TBC1D4: variants seen among roughly 807,000 people sequenced by gnomAD.
TBC1D4 encodes TBC1 domain family member 4.
TBC1D4 carries 121 observed loss-of-function variants against 142.5 expected under a neutral mutation model. The observed-to-expected ratio is 0.85, with a 90% CI of 0.73 to 0.99. The LOEUF (loss-of-function observed/expected upper bound fraction) is 0.99, where lower values mean the gene tolerates loss of function less well. TBC1D4 is among the 50% of genes least tolerant of loss of function. TBC1D4 has a pLI of 0.00. For synonymous variants in TBC1D4, 630 were observed against 628.2 expected (o/e 1.00, Z -0.04); for missense variants, 1,475 against 1,606.6 (o/e 0.92, Z 1.40).
chr13:75,341,640 A>G lies in TBC1D4; in HGVS notation c.1409-53T>C, dbSNP rs974331889. 29 of 1,418,720 alleles carry G rather than the reference A, an allele frequency of 2.0e-5. No homozygotes were observed. The Admixed American group carries it at 3.5e-4, about 17-fold the overall frequency. The allele number at this position is 1,418,720 out of a possible 1,614,324, so 87.9% of individuals were successfully genotyped here. On this transcript the variant is annotated intron_variant, in intron 5 of 20. Coordinates refer to ENST00000377636, the MANE Select transcript of TBC1D4 (RefSeq NM_014832.5). ...AAACAGAGTCTAGCAGCAGAGATCC[A>G]GGGGCAGAGAATGCATTACACTTCA...
At chr13:75,481,025 T>TTCCC (rs1888838740) in intron 1 of TBC1D4, among the ~76,000 whole-genome samples, 1 of 152,202 alleles carries the variant, frequency 6.6e-6, no homozygotes, top group South Asian at 2.1e-4. Flanking sequence ...CGTTGTCCTT[T>TTCCC]TCCCTCCGGG....
At position 75,335,898 on chromosome 13, in the gene TBC1D4, G is replaced by T. The variant is rs73531999; in HGVS notation, c.1731+1023C>A. 2.4e-3 allele frequency among the ~76,000 whole-genome samples: 368 copies of T among 152,178 alleles called. 2 individuals are homozygous for T. The highest frequency in any genetic ancestry group is 8.7e-3 in the African/African-American group (362 of 41,514). On this transcript the variant is annotated intron_variant, in intron 8 of 20. Transcript: ENST00000377636. ...GTTTCAGGTATTTCTTTATAGCAAT[G>T]CGAAAATGAACTAATACAATGGGCA...
At chr13:75,394,650 G>A (rs974625211) in intron 1 of TBC1D4, among the ~76,000 whole-genome samples, 1 of 151,976 alleles carries the variant, frequency 6.6e-6, no homozygotes, top group Non-Finnish European at 1.5e-5. Context: ...TACAATAGAC[G>A]CTAGATTTGC....
intron 4 of TBC1D4, among the ~76,000 whole-genome samples, chr13:75,351,654 G>C (rs78797243): frequency 6.9e-6 from 1 of 144,836 alleles, no homozygotes; most frequent in Admixed American, 7.4e-5. Context: ...CCACCTATGA[G>C]TGAGAACATG....
At chr13:75,453,884 T>C (rs1237215538) in intron 1 of TBC1D4, among the ~76,000 whole-genome samples, 1 of 151,990 alleles carries the variant, frequency 6.6e-6, no homozygotes, top group Non-Finnish European at 1.5e-5. Context: ...AAATTCTTAT[T>C]TAATAATATC....
At chr13:75,358,700 TAAA>T (rs1381894505) in intron 3 of TBC1D4, among the ~76,000 whole-genome samples, 1 of 150,312 alleles carries the variant, frequency 6.7e-6, no homozygotes, top group Non-Finnish European at 1.5e-5. Context: ...TTCAAGAAAA[TAAA>T]AAAAATAACA....
At chr13:75,312,174 G>A (rs765430373) in intron 13 of TBC1D4, among the ~76,000 whole-genome samples, 40 of 152,096 alleles carry the variant, frequency 2.6e-4, no homozygotes, top group Non-Finnish European at 4.9e-4. Context: ...AGCTGCCTGT[G>A]CTCTCTTTTG....
chr13:75,372,615 T>G (rs1883280583), intron 1 of TBC1D4, among the ~76,000 whole-genome samples: 1 of 152,158 alleles, frequency 6.6e-6, no homozygotes, highest in Non-Finnish European at 1.5e-5. Context: ...CACTTGTACT[T>G]GCTCCAAGAA....
At chr13:75,472,008 G>C (rs1317908083) in intron 1 of TBC1D4, among the ~76,000 whole-genome samples, 1 of 151,666 alleles carries the variant, frequency 6.6e-6, no homozygotes, top group Non-Finnish European at 1.5e-5. Flanking sequence ...TCAGGAGGCT[G>C]AGGCAGGAGA....
At chr13:75,320,080 A>G in intron 11 of TBC1D4, 43 bp from the exon 12 acceptor site, 1 of 1,608,080 alleles carries the variant, frequency 6.2e-7, no homozygotes, top group Non-Finnish European at 8.5e-7. Flanking sequence ...GCACACACAA[A>G]TATGTCCAAA....
At chr13:75,288,647 C>G (rs945027861) in intron 20 of TBC1D4, among the ~76,000 whole-genome samples, 1 of 152,168 alleles carries the variant, frequency 6.6e-6, no homozygotes, top group African/African-American at 2.4e-5. Context: ...TTCCTACATT[C>G]AATTCCTCCT....
intron 1 of TBC1D4, among the ~76,000 whole-genome samples, chr13:75,407,614 A>G (rs1166175943): frequency 6.6e-6 from 1 of 152,212 alleles, no homozygotes; most frequent in Non-Finnish European, 1.5e-5. Context: ...GGAAGGATGC[A>G]AAGGGAAGCA....
intron 1 of TBC1D4, among the ~76,000 whole-genome samples, chr13:75,379,885 C>CTTT (rs1883718060): frequency 1.0e-5 from 1 of 98,536 alleles, no homozygotes; most frequent in Admixed American, 1.2e-4. Flanking sequence ...GTTCATCTGA[C>CTTT]TCTTTTTTTT....
At chr13:75,424,434 A>G (rs2138133934) in intron 1 of TBC1D4, among the ~76,000 whole-genome samples, 1 of 152,274 alleles carries the variant, frequency 6.6e-6, no homozygotes, top group South Asian at 2.1e-4. Flanking sequence ...AAATGTTTCC[A>G]CTATCCAAAG....
chr13:75,392,192 T>C (rs1884524773), intron 1 of TBC1D4, among the ~76,000 whole-genome samples: 2 of 152,228 alleles, frequency 1.3e-5, no homozygotes, highest in Non-Finnish European at 2.9e-5. Context: ...CATATAAATA[T>C]GTGTTGGATA....
At chr13:75,444,896 T>C (rs1263688156) in intron 1 of TBC1D4, among the ~76,000 whole-genome samples, 2 of 152,238 alleles carry the variant, frequency 1.3e-5, no homozygotes, top group Non-Finnish European at 2.9e-5. Flanking sequence ...ATGGCTTTCA[T>C]TTATTAATTG....
At chr13:75,319,651 T>A (rs1372382505) in intron 12 of TBC1D4, among the ~76,000 whole-genome samples, 2 of 152,254 alleles carry the variant, frequency 1.3e-5, no homozygotes, top group Non-Finnish European at 2.9e-5. Flanking sequence ...TTTCTGCATC[T>A]TCTTGGCATT....
chr13:75,477,596 TAAC>T (rs71736198), intron 1 of TBC1D4, among the ~76,000 whole-genome samples: 14,422 of 152,262 alleles, frequency 0.095, 946 homozygotes, highest in Non-Finnish European at 0.14. Flanking sequence ...ATATTTTCAA[TAAC>T]AACTCCTGCT....
chr13:75,478,297 G>A (rs12868110), intron 1 of TBC1D4, among the ~76,000 whole-genome samples: 8,919 of 152,220 alleles, frequency 0.059, 373 homozygotes, highest in Non-Finnish European at 0.086. Flanking sequence ...TACTCACAGT[G>A]CTTGTATAAT....
Sources: allele counts gnomAD v4.1 joint callset (sites outside exome capture counted in the v4.1 genomes callset), GRCh38; gene constraint gnomAD v4.1.1; transcripts MANE v1.5; gene names NCBI Gene and HGNC (gene_info 2026-07-23, HGNC 2026-07-21).